GRAMD1B: variants seen among roughly 807,000 people sequenced by gnomAD.
GRAMD1B encodes GRAM domain containing 1B.
A neutral mutation model predicts 99.7 loss-of-function variants in GRAMD1B; 37 were observed. The observed-to-expected ratio is 0.37, with a 90% CI of 0.29 to 0.49. The LOEUF is 0.49. Ranked by LOEUF, GRAMD1B falls within the 20% of genes least tolerant of loss-of-function variation. The probability of loss-of-function intolerance (pLI) is 0.98; values close to 1 mark genes in which losing one functional copy is unlikely to be tolerated. For missense variants in GRAMD1B, 888 were observed against 1,009.2 expected, an observed-to-expected ratio of 0.88 and a Z score of 1.63; for synonymous variants, 427 against 387.6, an observed-to-expected ratio of 1.10 and a Z score of -1.19.
At chr11:123,384,172 T>C (rs1253272275) in intron 1 of GRAMD1B, among the ~76,000 whole-genome samples, 1 of 152,146 alleles carries the variant, frequency 6.6e-6, no homozygotes, top group African/African-American at 2.4e-5. Context: ...GCCTGGCCCA[T>C]CCATTCATCT....
intron 1 of GRAMD1B, among the ~76,000 whole-genome samples, chr11:123,437,396 A>C (rs2134234149): frequency 6.6e-6 from 1 of 152,064 alleles, no homozygotes; most frequent in South Asian, 2.1e-4. Context: ...TCTTGTCATC[A>C]CTCTCTGGAG....
intron 2 of GRAMD1B, among the ~76,000 whole-genome samples, chr11:123,550,830 A>C (rs989984278): frequency 9.9e-5 from 15 of 152,120 alleles, no homozygotes; most frequent in Non-Finnish European, 8.8e-5. Context: ...GGCCTGTCCT[A>C]GGGGCCGGGA....
intron 2 of GRAMD1B, among the ~76,000 whole-genome samples, chr11:123,549,922 T>C (rs866770187): frequency 1.2e-4 from 19 of 152,016 alleles, no homozygotes; most frequent in African/African-American, 4.3e-4. Flanking sequence ...GTCGGACATG[T>C]ATGGGAAAAA....
rs1423418954 is a variant in GRAMD1B at position 123,461,158 on chromosome 11, T to C, written c.375-19658T>C. Among the ~76,000 whole-genome samples the C allele has an allele frequency of 2.0e-5, 3 of 152,264 alleles. No individual in the cohort carries two copies. The East Asian group carries it at 5.8e-4, about 29-fold the overall frequency. ...AGTTTGGTCTTCAATCAGATGTGAATGGACCAGTGCTCCTGTTGCCTGGGC... is the reference window on the plus strand; with the variant it reads ...AGTTTGGTCTTCAATCAGATGTGAACGGACCAGTGCTCCTGTTGCCTGGGC... On this transcript the variant is annotated intron_variant, in intron 1 of 19. Transcript: ENST00000635736.
chr11:123,572,176 A>C (rs1033005743), intron 2 of GRAMD1B, among the ~76,000 whole-genome samples: 4 of 152,308 alleles, frequency 2.6e-5, no homozygotes, highest in African/African-American at 9.6e-5. Context: ...GGTTTCTTAC[A>C]TGTGAAGTTG....
chr11:123,620,628 A>C (rs562391160), intron 19 of GRAMD1B, among the ~76,000 whole-genome samples: 7 of 152,256 alleles, frequency 4.6e-5, no homozygotes, highest in African/African-American at 1.7e-4. Flanking sequence ...TAGAAGCCCT[A>C]CCCTTTCAAA....
chr11:123,364,359 C>T (rs187878208), intron 1 of GRAMD1B, among the ~76,000 whole-genome samples: 5 of 152,344 alleles, frequency 3.3e-5, no homozygotes, highest in South Asian at 2.1e-4. Flanking sequence ...AAGGTATCTT[C>T]GTCTCTGACG....
intron 1 of GRAMD1B, chr11:123,435,348 G>A: frequency 1.4e-6 from 1 of 691,992 alleles, no homozygotes; most frequent in Non-Finnish European, 2.6e-6. Context: ...GCCATAGCTT[G>A]TGGATTTCTT....
intron 4 of GRAMD1B, among the ~76,000 whole-genome samples, chr11:123,592,329 GGGGCTCAGACAGCAC>G (rs1179854714): frequency 6.6e-6 from 1 of 152,216 alleles, no homozygotes; most frequent in Non-Finnish European, 1.5e-5. Flanking sequence ...GCACAGAGTA[GGGGCTCAGACAGCAC>G]TGAGTCAGAC....
chr11:123,495,985 G>A (rs1206323964), intron 2 of GRAMD1B, among the ~76,000 whole-genome samples: 1 of 152,062 alleles, frequency 6.6e-6, no homozygotes, highest in Non-Finnish European at 1.5e-5. Flanking sequence ...GAAGATAAGA[G>A]TACATTATAC....
intron 2 of GRAMD1B, among the ~76,000 whole-genome samples, chr11:123,481,978 G>C (rs887476661): frequency 3.9e-5 from 6 of 152,096 alleles, no homozygotes; most frequent in Non-Finnish European, 8.8e-5. Context: ...TGCTGAGAGG[G>C]GGTAGAGAAC....
chr11:123,468,815 A>AG (rs1950840583), intron 1 of GRAMD1B, among the ~76,000 whole-genome samples: 1 of 150,130 alleles, frequency 6.7e-6, no homozygotes, highest in Admixed American at 6.6e-5. Context: ...AAAAAAAAAA[A>AG]GTAGTGCAGG....
chr11:123,402,268 G>A (rs1019398360), intron 1 of GRAMD1B, among the ~76,000 whole-genome samples: 1 of 152,074 alleles, frequency 6.6e-6, no homozygotes, highest in Non-Finnish European at 1.5e-5. Context: ...TGCCCGCCTC[G>A]GCCTCCCCAA....
chr11:123,554,574 G>A (rs1457437648), intron 2 of GRAMD1B, among the ~76,000 whole-genome samples: 1 of 151,842 alleles, frequency 6.6e-6, no homozygotes, highest in Admixed American at 6.6e-5. Context: ...GCCGGACATG[G>A]TGGTGTGTGC....
intron 7 of GRAMD1B, chr11:123,599,304 T>C (rs1481168101): frequency 2.0e-5 from 14 of 716,270 alleles, no homozygotes; most frequent in Non-Finnish European, 2.9e-5. Flanking sequence ...GACCTCCATA[T>C]ACCTATCTTG....
At chr11:123,533,250 C>T (rs1003482573) in intron 2 of GRAMD1B, among the ~76,000 whole-genome samples, 1 of 152,124 alleles carries the variant, frequency 6.6e-6, no homozygotes, top group African/African-American at 2.4e-5. Context: ...GGATTACAGG[C>T]GTGAGCCACC....
chr11:123,478,192 T>A (rs1293358988), intron 1 of GRAMD1B, among the ~76,000 whole-genome samples: 1 of 152,156 alleles, frequency 6.6e-6, no homozygotes, highest in African/African-American at 2.4e-5. Flanking sequence ...ATTTTTTTTT[T>A]ATAGAGATGG....
chr11:123,474,634 A>T (rs1951173996), intron 1 of GRAMD1B, among the ~76,000 whole-genome samples: 4 of 152,230 alleles, frequency 2.6e-5, no homozygotes, highest in Admixed American at 2.6e-4. Flanking sequence ...AAAACAAAAA[A>T]CAAATAAAGG....
At chr11:123,395,752 G>A (rs1355600205) in intron 1 of GRAMD1B, among the ~76,000 whole-genome samples, 1 of 152,192 alleles carries the variant, frequency 6.6e-6, no homozygotes, top group Non-Finnish European at 1.5e-5. Context: ...CTCTTCAAGT[G>A]ATTCCAATGA....
Sources: gnomAD v4.1 joint callset for allele counts (sites outside exome capture counted in the v4.1 genomes callset) on GRCh38, gnomAD v4.1.1 for gene constraint, MANE v1.5 for transcripts, NCBI Gene and HGNC (gene_info 2026-07-23, HGNC 2026-07-21) for gene names.